TPPP: variants seen among roughly 807,000 people sequenced by gnomAD.
The protein encoded by TPPP is tubulin polymerization promoting protein.
TPPP carries 6 observed loss-of-function variants against 15.5 expected under a neutral mutation model. That is an observed-to-expected ratio of 0.39 (90% CI 0.21 to 0.77). The LOEUF (loss-of-function observed/expected upper bound fraction) is 0.77. Ranked by LOEUF, TPPP falls within the 30% of genes least tolerant of loss-of-function variation. The pLI is 0.42. For missense variants in TPPP, 269 were observed against 307.2 expected (o/e 0.88, Z 0.93); for synonymous variants, 146 against 133.9 (o/e 1.09, Z -0.63).
chr5:665,305 G>A lies in TPPP; in HGVS notation c.466-9C>T. ...GGCGACGAGATGGCTTTCTGCAAGA[G>A]GAGCAGGAGGAAGGGGGCAGGTGAG... On this transcript the variant is annotated splice_polypyrimidine_tract_variant and intron_variant, in intron 3 of 3. Transcript: ENST00000360578. The A allele has an allele frequency of 6.2e-7, 1 of 1,609,202 alleles. No individual in the cohort carries two copies. Among genetic ancestry groups the A allele is most frequent in the Non-Finnish European group, 8.5e-7 (1 of 1,178,142 alleles).
At chr5:695,533 G>A (rs1740995552), upstream of TPPP, among the ~76,000 whole-genome samples, 1 of 149,052 alleles carries the variant, frequency 6.7e-6, no homozygotes, top group Non-Finnish European at 1.5e-5. Context: ...GAACAACAGG[G>A]CTTTCCTCTT....
intron 2 of TPPP, among the ~76,000 whole-genome samples, chr5:666,602 C>G (rs527845835): frequency 6.6e-6 from 1 of 151,518 alleles, no homozygotes; most frequent in Non-Finnish European, 1.5e-5. Flanking sequence ...CGCAGGCCCA[C>G]GCCTCAGATG....
At position 664,337 on chromosome 5, in the gene TPPP, T is replaced by C. The variant is rs1739807407; in HGVS notation, c.*765A>G. ...TCTTCCCAGACCCGCTCTGAGAACA[T>C]AGGCAGCCACCGCATCTTCTCAGGA... is the stretch of plus-strand genomic sequence containing the variant. On this transcript the variant is annotated 3_prime_UTR_variant, in exon 4 of 4. Transcript: ENST00000360578. 1 of 152,420 alleles carries C rather than the reference T, an allele frequency of 6.6e-6. No individual in the cohort carries two copies. Among genetic ancestry groups the C allele is most frequent in the Admixed American group, 6.5e-5 (1 of 15,292 alleles). The allele number at this position is 152,420 out of a possible 1,614,324, so 9.4% of individuals were successfully genotyped here. A position where few individuals can be genotyped will look rare whatever the true frequency, so the allele number is the denominator to read the frequency against.
intron 2 of TPPP, among the ~76,000 whole-genome samples, chr5:675,465 GGGGGTGCAGTGTGGCCA>G (rs1561087255): frequency 2.2e-5 from 1 of 45,466 alleles, no homozygotes; most frequent in African/African-American, 2.6e-4. Context: ...GTGCAGCACA[GGGGGTGCAGTGTGGCCA>G]GGGGTACATT....
rs560312468 is a variant in TPPP, at chr5:669,944, G to A, written c.312-3821C>T. 1.3e-4 allele frequency among the ~76,000 whole-genome samples: 20 copies of A among 152,258 alleles called. No homozygotes were observed. The South Asian group carries it at 1.4e-3, about 11-fold the overall frequency. On this transcript the variant is annotated intron_variant, in intron 2 of 3. Coordinates refer to ENST00000360578, the MANE Select transcript of TPPP (RefSeq NM_007030.3). ...AGACCAGGGTGCTGGAGGAGCCTCC[G>A]AGTGTGGAGCTCGGCATCCTCATTG... is the stretch of plus-strand genomic sequence containing the variant.
In TPPP at chr5:664,281, T is replaced by A. The variant is rs1401128894; in HGVS notation, c.*821A>T. ...GTCTCGGCACTTCGTGTCTCTTGCCTGGCAACACCACAGGGACCGGACATT... is the reference window on the plus strand; with the variant it reads ...GTCTCGGCACTTCGTGTCTCTTGCCAGGCAACACCACAGGGACCGGACATT... On this transcript the variant is annotated 3_prime_UTR_variant, in exon 4 of 4. Coordinates refer to ENST00000360578, the MANE Select transcript of TPPP (RefSeq NM_007030.3). 1.3e-5 allele frequency: 2 copies of A among 152,402 alleles called. No individual in the cohort carries two copies. The highest frequency in any genetic ancestry group is 2.9e-5 in the Non-Finnish European group (2 of 68,104). The allele number at this position is 152,402 out of a possible 1,614,324, so 9.4% of individuals were successfully genotyped here.
intron 1 of TPPP, among the ~76,000 whole-genome samples, chr5:685,236 C>A (rs1244157621): frequency 1.3e-5 from 2 of 152,218 alleles, no homozygotes; most frequent in African/African-American, 4.8e-5. Context: ...GGCTCTGCCC[C>A]ATAGAAGACC....
chr5:685,401 G>A (rs374064626), intron 1 of TPPP, among the ~76,000 whole-genome samples: 15 of 152,352 alleles, frequency 9.8e-5, no homozygotes, highest in African/African-American at 3.4e-4. Flanking sequence ...CTCACATGGC[G>A]TCCTCCGGCC....
upstream of TPPP, among the ~76,000 whole-genome samples, chr5:694,217 C>G (rs1448643133): frequency 1.3e-5 from 2 of 151,770 alleles, no homozygotes; most frequent in Non-Finnish European, 2.9e-5. Flanking sequence ...CGGCCCTCCG[C>G]AGGAGTTGGC....
chr5:675,444 G>A (rs80009654), intron 2 of TPPP, among the ~76,000 whole-genome samples: 1,821 of 71,870 alleles, frequency 0.025, 93 homozygotes, highest in African/African-American at 0.1. Context: ...GGTGGGTGCA[G>A]TGTGGCTGGG....
Position 665,057 on chromosome 5 carries a change from C to A in TPPP, c.*45G>T. On this transcript the variant is annotated 3_prime_UTR_variant, in exon 4 of 4. Transcript: ENST00000360578. ...TAATGAAGTGCGAGGTGACAGAGTC[C>A]CTGCTCTGGGGACACCGGCAGTGCC... is the stretch of plus-strand genomic sequence containing the variant. 6.3e-7 allele frequency: 1 copy of A among 1,580,028 alleles called. No homozygotes were observed.
At chr5:672,171 C>T (rs926213191) in intron 2 of TPPP, among the ~76,000 whole-genome samples, 2 of 152,208 alleles carry the variant, frequency 1.3e-5, no homozygotes, top group Non-Finnish European at 2.9e-5. Context: ...TACCGGCCCT[C>T]CACACTTGGG....
rs529751379 is a variant in TPPP at position 672,217 on chromosome 5, G to T, written c.311+5533C>A. Among the ~76,000 whole-genome samples, 405 of 152,314 alleles carry T rather than the reference G, an allele frequency of 2.7e-3. 3 individuals are homozygous for T. Among genetic ancestry groups the T allele is most frequent in the African/African-American group, 9.1e-3 (380 of 41,564 alleles). On this transcript the variant is annotated intron_variant, in intron 2 of 3. Transcript: ENST00000360578. ...ACCCCAGTGCCGGCTGGCCGGGGGG[G>T]TGTACCAGGCTCAGCAGCCCTCCAC...
chr5:662,564 C>T lies in TPPP; in HGVS notation c.*2538G>A, dbSNP rs1291957313. ...GCCAGGCTCAGCTCCAGGGCGAGGT[C>T]CTCTGGAGTCATGTTCGTTCTGCGT... is the stretch of plus-strand genomic sequence containing the variant. On this transcript the variant is annotated 3_prime_UTR_variant, in exon 4 of 4. Transcript: ENST00000360578. The T allele has an allele frequency of 6.6e-6, 1 of 152,526 alleles. No homozygotes were observed. The highest frequency in any genetic ancestry group is 1.5e-5 in the Non-Finnish European group (1 of 68,178). The allele number at this position is 152,526 out of a possible 1,614,324, so 9.4% of individuals were successfully genotyped here.
chr5:696,192 G>C (rs1741008132), upstream of TPPP, among the ~76,000 whole-genome samples: 1 of 139,014 alleles, frequency 7.2e-6, no homozygotes. Context: ...AGCCCTGGGT[G>C]GAAGGGATGG....
At position 664,980 on chromosome 5, in the gene TPPP, C is replaced by CA; in HGVS notation, c.*121dup. 1.6e-6 allele frequency: 2 copies of CA among 1,249,124 alleles called. No homozygotes were observed. The highest frequency in any genetic ancestry group is 4.8e-5 in the East Asian group (2 of 41,668). The allele number at this position is 1,249,124 out of a possible 1,614,324, so 77.4% of individuals were successfully genotyped here. On this transcript the variant is annotated 3_prime_UTR_variant, in exon 4 of 4. Coordinates refer to ENST00000360578, the MANE Select transcript of TPPP (RefSeq NM_007030.3). Reference sequence around the variant, plus strand: ...GGGAGGCCTGGGCCTGGCCGCCCCCCAGCCCCCTCTGGGGCACCCGTCTGA... The same window carrying CA: ...GGGAGGCCTGGGCCTGGCCGCCCCCCAAGCCCCCTCTGGGGCACCCGTCTGA...
chr5:685,396 A>G (rs1162136427), intron 1 of TPPP, among the ~76,000 whole-genome samples: 2 of 152,200 alleles, frequency 1.3e-5, no homozygotes, highest in African/African-American at 4.8e-5. Flanking sequence ...GTCGTCTCAC[A>G]TGGCGTCCTC....
chr5:671,223 T>C (rs451979), intron 2 of TPPP, among the ~76,000 whole-genome samples: 75,900 of 147,914 alleles, frequency 0.51, 19,550 homozygotes, highest in South Asian at 0.61. Flanking sequence ...TTTGCGTTGC[T>C]GCCGGCCTTT....
intron 2 of TPPP, among the ~76,000 whole-genome samples, chr5:669,154 GCTTT>G (rs1389974693): frequency 1.3e-5 from 2 of 152,214 alleles, no homozygotes; most frequent in Non-Finnish European, 2.9e-5. Context: ...TCCGGAGGGG[GCTTT>G]GGGGAGACAG....
Sources: allele counts gnomAD v4.1 joint callset (sites outside exome capture counted in the v4.1 genomes callset), GRCh38; gene constraint gnomAD v4.1.1; transcripts MANE v1.5; gene names NCBI Gene and HGNC (gene_info 2026-07-23, HGNC 2026-07-21).